The following EPHA6 variants were observed in gnomAD, a reference collection of about 807,000 sequenced individuals.
EPHA6 encodes the protein EPH receptor A6.
A neutral mutation model predicts 112.0 loss-of-function variants in EPHA6; 50 were observed. The ratio of observed to expected loss-of-function variants is 0.45; its 90% CI spans 0.36 to 0.56. The LOEUF (loss-of-function observed/expected upper bound fraction) is 0.56, where lower values mean the gene tolerates loss of function less well. EPHA6 is among the 20% of genes least tolerant of loss of function. EPHA6 has a pLI of 0.00. For synonymous variants in EPHA6, 529 were observed against 490.7 expected (o/e 1.08, Z -1.03); for missense variants, 1,280 against 1,417.4 (o/e 0.90, Z 1.56).
At chr3:97,540,178 C>G (rs2092830028) in intron 11 of EPHA6, among the ~76,000 whole-genome samples, 2 of 152,224 alleles carry the variant, frequency 1.3e-5, no homozygotes, top group Non-Finnish European at 2.9e-5. Flanking sequence ...TTTCTCTCTT[C>G]TACCAACCTT....
chr3:97,397,654 A>G (rs2086770247), intron 5 of EPHA6, among the ~76,000 whole-genome samples: 1 of 151,594 alleles, frequency 6.6e-6, no homozygotes, highest in South Asian at 2.1e-4. Context: ...AAGTTATATG[A>G]AGCAGTTTTC....
At chr3:97,704,863 G>A (rs926019208) in intron 14 of EPHA6, among the ~76,000 whole-genome samples, 6 of 152,100 alleles carry the variant, frequency 3.9e-5, no homozygotes, top group African/African-American at 1.4e-4. Flanking sequence ...GTATAAAAAT[G>A]TGGTGTCATG....
At chr3:97,632,547 G>T (rs1237283346) in intron 13 of EPHA6, among the ~76,000 whole-genome samples, 2 of 151,968 alleles carry the variant, frequency 1.3e-5, no homozygotes, top group African/African-American at 4.8e-5. Context: ...TGGCCCATAG[G>T]ATACTCAGGG....
intron 14 of EPHA6, among the ~76,000 whole-genome samples, chr3:97,645,180 A>G (rs1030979115): frequency 5.9e-5 from 9 of 151,750 alleles, no homozygotes; most frequent in Non-Finnish European, 1.2e-4. Flanking sequence ...TACCCAAAGG[A>G]CTATAAATCA....
At chr3:96,868,212 G>A (rs1027863582) in intron 2 of EPHA6, among the ~76,000 whole-genome samples, 15 of 151,356 alleles carry the variant, frequency 9.9e-5, no homozygotes, top group Non-Finnish European at 1.5e-5. Flanking sequence ...GTGTGTGTGT[G>A]TGTCTAATCT....
intron 5 of EPHA6, among the ~76,000 whole-genome samples, chr3:97,300,055 G>A (rs1448243351): frequency 6.6e-6 from 1 of 152,152 alleles, no homozygotes; most frequent in African/African-American, 2.4e-5. Context: ...TCTCAAATCA[G>A]ATGAAATCTC....
intron 11 of EPHA6, among the ~76,000 whole-genome samples, chr3:97,548,542 C>T (rs894890418): frequency 1.3e-5 from 2 of 152,096 alleles, no homozygotes; most frequent in African/African-American, 2.4e-5. Flanking sequence ...GTTGATTTTC[C>T]TATTTCTCTC....
chr3:97,318,883 CTTCT>C (rs1420316138), intron 5 of EPHA6, among the ~76,000 whole-genome samples: 1 of 151,626 alleles, frequency 6.6e-6, no homozygotes, highest in African/African-American at 2.4e-5. Flanking sequence ...ATTGAGATTC[CTTCT>C]ATTTATTGTT....
chr3:96,841,560 C>T (rs2034750614), intron 1 of EPHA6, among the ~76,000 whole-genome samples: 1 of 152,136 alleles, frequency 6.6e-6, no homozygotes, highest in East Asian at 1.9e-4. Flanking sequence ...CAGTGTGACC[C>T]TCTCTAAAGG....
chr3:97,629,390 C>T (rs2093884896), intron 13 of EPHA6, among the ~76,000 whole-genome samples: 2 of 151,968 alleles, frequency 1.3e-5, no homozygotes, highest in Admixed American at 6.6e-5. Context: ...CAGACATGCA[C>T]ATATATGAGA....
rs549759118 is a variant in EPHA6 at position 97,033,019 on chromosome 3, C to T, written c.1114+45026C>T. 1.7e-4 allele frequency among the ~76,000 whole-genome samples: 26 copies of T among 151,172 alleles called. No individual in the cohort carries two copies. In the South Asian group the frequency reaches 5.2e-3, roughly 30 times the overall value. ...GAATCAGAGTCACATTAACTGAGTGCTGGACTAGGCAATATGAAACCTTCC... is the reference window on the plus strand; with the variant it reads ...GAATCAGAGTCACATTAACTGAGTGTTGGACTAGGCAATATGAAACCTTCC... On this transcript the variant is annotated intron_variant, in intron 3 of 17. Transcript: ENST00000389672.
chr3:97,045,945 T>C (rs2045490034), intron 3 of EPHA6, among the ~76,000 whole-genome samples: 1 of 152,096 alleles, frequency 6.6e-6, no homozygotes, highest in Non-Finnish European at 1.5e-5. Context: ...ATTGAAGATT[T>C]GAAATCATAG....
intron 14 of EPHA6, chr3:97,648,690 T>A: frequency 9.9e-7 from 1 of 1,013,508 alleles, no homozygotes; most frequent in Non-Finnish European, 1.2e-6. Context: ...TCTCTTAAAT[T>A]AAAGAGTTGG....
At position 97,082,608 on chromosome 3, in the gene EPHA6, C is replaced by A. The variant is rs2046761196; in HGVS notation, c.1114+94615C>A. Among the ~76,000 whole-genome samples the A allele has an allele frequency of 4.6e-5, 7 of 151,788 alleles. No individual in the cohort carries two copies. The South Asian group carries it at 1.4e-3, about 31-fold the overall frequency. On this transcript the variant is annotated intron_variant, in intron 3 of 17. Coordinates refer to ENST00000389672, the MANE Select transcript of EPHA6 (RefSeq NM_001080448.3). Reference sequence around the variant, plus strand: ...AAGAAACTTTTAATCAATTCGAGGGCAGTTTATTTGTTGACTTTCACGTTA... The same window carrying A: ...AAGAAACTTTTAATCAATTCGAGGGAAGTTTATTTGTTGACTTTCACGTTA...
chr3:97,607,059 T>C (rs997189349), intron 12 of EPHA6, among the ~76,000 whole-genome samples: 2 of 150,976 alleles, frequency 1.3e-5, no homozygotes, highest in African/African-American at 4.8e-5. Context: ...GATTCTTCAT[T>C]TTACTGACTG....
intron 3 of EPHA6, among the ~76,000 whole-genome samples, chr3:97,115,114 AG>A (rs995201448): frequency 1.3e-5 from 2 of 151,980 alleles, no homozygotes; most frequent in African/African-American, 4.8e-5. Context: ...AGCTATCAAA[AG>A]GCCTTAAAAT....
At chr3:97,160,569 C>T (rs1489144814) in intron 3 of EPHA6, among the ~76,000 whole-genome samples, 1 of 152,080 alleles carries the variant, frequency 6.6e-6, no homozygotes, top group Non-Finnish European at 1.5e-5. Flanking sequence ...CATGAGCCCC[C>T]ACATCCGGCC....
intron 11 of EPHA6, among the ~76,000 whole-genome samples, chr3:97,590,025 G>A (rs1034891669): frequency 2.6e-5 from 4 of 152,086 alleles, no homozygotes; most frequent in Non-Finnish European, 5.9e-5. Context: ...GAAGAAACAA[G>A]GAAATTATAA....
At chr3:97,743,368 C>T (rs2035587317) in intron 16 of EPHA6, among the ~76,000 whole-genome samples, 3 of 152,082 alleles carry the variant, frequency 2.0e-5, no homozygotes, top group Admixed American at 1.3e-4. Flanking sequence ...TTCCTGCCCT[C>T]GGGGAGTTTT....
Sources: allele counts gnomAD v4.1 joint callset (sites outside exome capture counted in the v4.1 genomes callset), GRCh38; gene constraint gnomAD v4.1.1; transcripts MANE v1.5; gene names NCBI Gene and HGNC (gene_info 2026-07-23, HGNC 2026-07-21).